Variants in CDH13 observed in about 807,000 individuals in gnomAD.
CDH13 encodes cadherin-13.
CDH13 carries 24 observed loss-of-function variants against 63.8 expected under a neutral mutation model. The observed-to-expected ratio is 0.38, with a 90% CI of 0.27 to 0.53. The LOEUF (loss-of-function observed/expected upper bound fraction) is 0.53, where lower values mean the gene tolerates loss of function less well. CDH13 is among the 20% of genes least tolerant of loss of function. The pLI, the probability that CDH13 is intolerant of heterozygous loss-of-function variation, is 0.85. For synonymous variants in CDH13, 503 were observed against 355.3 expected, an observed-to-expected ratio of 1.42 and a Z score of -4.67; for missense variants, 1,049 against 903.1, an observed-to-expected ratio of 1.16 and a Z score of -2.07.
At chr16:83,480,966 A>G (rs17685927) in intron 6 of CDH13, among the ~76,000 whole-genome samples, 15,921 of 152,278 alleles carry the variant, frequency 0.1, 914 homozygotes, top group Non-Finnish European at 0.13. Flanking sequence ...GTTGTGCACT[A>G]CAGGATCCAT....
At chr16:83,352,645 C>G (rs536476193) in intron 6 of CDH13, among the ~76,000 whole-genome samples, 2 of 152,184 alleles carry the variant, frequency 1.3e-5, no homozygotes, top group Admixed American at 6.5e-5. Context: ...AATCCCAGCA[C>G]TTAGGGAGGG....
chr16:83,716,301 G>T (rs1038878613), intron 10 of CDH13, among the ~76,000 whole-genome samples: 1 of 152,080 alleles, frequency 6.6e-6, no homozygotes, highest in African/African-American at 2.4e-5. Context: ...GTGCAAATTA[G>T]GGTTCCCTTT....
intron 3 of CDH13, among the ~76,000 whole-genome samples, chr16:83,085,277 A>G (rs748752505): frequency 1.6e-4 from 24 of 152,182 alleles, no homozygotes; most frequent in Non-Finnish European, 3.4e-4. Flanking sequence ...CTTGAGATTT[A>G]TTCACTATCA....
Position 83,344,976 on chromosome 16 carries a change from A to C in CDH13, c.751A>C (p.Ile251Leu), listed in dbSNP as rs371020017. The C allele has an allele frequency of 6.2e-7, 1 of 1,613,984 alleles. No individual in the cohort carries two copies. Among genetic ancestry groups the C allele is most frequent in the African/African-American group, 1.3e-5 (1 of 75,062 alleles). Residue 251 changes from isoleucine (I) to leucine (L), a missense_variant, in exon 6 of 14, where the codon ATC becomes CTC. Physicochemically the swap from Ile to Leu is conservative, Grantham distance 5. Transcript: ENST00000567109. ...ACCGATCTTTCGGGAAGGCCCCTAC[A>C]TCGGCCACGTCATGGAAGGGTCACC... ...NRPIFREGPY[I>L]GHVMEGSPTG...
intron 1 of CDH13, among the ~76,000 whole-genome samples, chr16:82,822,866 A>G (rs922742699): frequency 6.6e-6 from 1 of 152,168 alleles, no homozygotes; most frequent in Non-Finnish European, 1.5e-5. Context: ...CTCACAGTGT[A>G]GGGATTGTCT....
At chr16:82,905,861 C>T (rs2041628485) in intron 2 of CDH13, among the ~76,000 whole-genome samples, 1 of 152,194 alleles carries the variant, frequency 6.6e-6, no homozygotes, top group Admixed American at 6.5e-5. Context: ...AGTAACCACA[C>T]ATGGCTACTG....
chr16:83,792,244 A>C (rs1444581840), intron 13 of CDH13, among the ~76,000 whole-genome samples: 2 of 152,222 alleles, frequency 1.3e-5, no homozygotes, highest in African/African-American at 2.4e-5. Flanking sequence ...CATTATGGAC[A>C]ATGACAGTTG....
At chr16:83,720,131 G>T (rs1432108639) in intron 10 of CDH13, among the ~76,000 whole-genome samples, 2 of 152,112 alleles carry the variant, frequency 1.3e-5, no homozygotes, top group African/African-American at 4.8e-5. Context: ...CCGGGGTGCT[G>T]GTGGTCATCT....
At chr16:83,479,864 C>T (rs1024611953) in intron 6 of CDH13, among the ~76,000 whole-genome samples, 2 of 152,132 alleles carry the variant, frequency 1.3e-5, no homozygotes, top group Admixed American at 1.3e-4. Flanking sequence ...AATAGATACA[C>T]GGTATTCTAT....
In CDH13 at chr16:82,973,669, A is replaced by C. The variant is rs777898577; in HGVS notation, c.158-58341A>C. On this transcript the variant is annotated intron_variant, in intron 2 of 13. Coordinates refer to ENST00000567109, the MANE Select transcript of CDH13 (RefSeq NM_001257.5). ...TCCACCTGGAGGCTGCAGCGGGTCA[A>C]GGATGGCTTCACTGAAGGGATGATA... Among the ~76,000 whole-genome samples the C allele has an allele frequency of 7.9e-4, 120 of 152,318 alleles. 3 individuals carry two copies. Among genetic ancestry groups the C allele is most frequent in the Middle Eastern group, 6.8e-3 (2 of 294 alleles).
rs148010161 is a variant in CDH13, at chr16:83,185,903, C to T, written c.484-31442C>T. On this transcript the variant is annotated intron_variant, in intron 4 of 13. Coordinates refer to ENST00000567109, the MANE Select transcript of CDH13 (RefSeq NM_001257.5). Reference sequence around the variant, plus strand: ...CTGTTCACATACTCCCTGAGAACCTCTATGTCTTATCCATGGAGTATGTCC... The same window carrying T: ...CTGTTCACATACTCCCTGAGAACCTTTATGTCTTATCCATGGAGTATGTCC... Among the ~76,000 whole-genome samples the T allele has an allele frequency of 2.0e-5, 3 of 152,262 alleles. 1 individual carries two copies. Among genetic ancestry groups the T allele is most frequent in the South Asian group, 4.1e-4 (2 of 4,828 alleles).
At chr16:83,738,631 G>A (rs543221784) in intron 10 of CDH13, among the ~76,000 whole-genome samples, 85 of 152,312 alleles carry the variant, frequency 5.6e-4, no homozygotes, top group Non-Finnish European at 1.1e-3. Context: ...TTTTGGGCCA[G>A]GTGTGGTGGC....
chr16:83,241,230 A>G (rs1344985783), intron 5 of CDH13, among the ~76,000 whole-genome samples: 1 of 152,142 alleles, frequency 6.6e-6, no homozygotes, highest in Non-Finnish European at 1.5e-5. Flanking sequence ...TCCATTATCC[A>G]TTCATCTATC....
At chr16:83,432,559 A>T (rs978427748) in intron 6 of CDH13, among the ~76,000 whole-genome samples, 2 of 152,174 alleles carry the variant, frequency 1.3e-5, no homozygotes, top group Admixed American at 6.5e-5. Context: ...GAGTGGGTGA[A>T]ACGAGCTTCA....
chr16:83,509,204 C>T (rs1192297727), intron 7 of CDH13, among the ~76,000 whole-genome samples: 2 of 152,186 alleles, frequency 1.3e-5, no homozygotes, highest in Admixed American at 6.5e-5. Context: ...ATGGTATTCA[C>T]AAAGTATAGC....
intron 2 of CDH13, among the ~76,000 whole-genome samples, chr16:82,969,849 C>A (rs186072922): frequency 3.3e-5 from 5 of 152,260 alleles, no homozygotes; most frequent in Admixed American, 1.3e-4. Context: ...ACTCTTCTCT[C>A]CAGGAAACGT....
At chr16:82,664,832 T>C (rs1912397573) in intron 1 of CDH13, among the ~76,000 whole-genome samples, 2 of 152,234 alleles carry the variant, frequency 1.3e-5, no homozygotes, top group African/African-American at 2.4e-5. Context: ...ATATATTTGA[T>C]ACAGATATTG....
intron 2 of CDH13, among the ~76,000 whole-genome samples, chr16:82,888,236 C>T (rs2040959383): frequency 6.6e-6 from 1 of 152,168 alleles, no homozygotes; most frequent in Admixed American, 6.5e-5. Flanking sequence ...CGGGCGCTCC[C>T]ATTGCCTCAT....
Position 83,265,727 on chromosome 16 carries a change from C to CTTTTTTTTTTTTTTTTTTTTTTTTTTTTT in CDH13, c.636+48256_636+48257insTTTTTTTTTTTTTTTTTTTTTTTTTTTTT, listed in dbSNP as rs71272416. ...GTTTTCTGTTGCTTCTAAATTTCTGCTTTTTTTTTTTTTTTTTTTTTTTTT... is the reference window on the plus strand; with the variant it reads ...GTTTTCTGTTGCTTCTAAATTTCTGCTTTTTTTTTTTTTTTTTTTTTTTTTTTTTTTTTTTTTTTTTTTTTTTTTTTTTT... On this transcript the variant is annotated intron_variant, in intron 5 of 13. Transcript: ENST00000567109. Among the ~76,000 whole-genome samples the CTTTTTTTTTTTTTTTTTTTTTTTTTTTTT allele has an allele frequency of 1.4e-4, 6 of 42,570 alleles. 2 individuals are homozygous for CTTTTTTTTTTTTTTTTTTTTTTTTTTTTT. Among genetic ancestry groups the CTTTTTTTTTTTTTTTTTTTTTTTTTTTTT allele is most frequent in the African/African-American group, 4.6e-4 (4 of 8,604 alleles). The allele number at this position is 42,570 out of a possible 152,430, so 27.9% of individuals were successfully genotyped here.
Sources: gnomAD v4.1 joint callset for allele counts (sites outside exome capture counted in the v4.1 genomes callset) on GRCh38, gnomAD v4.1.1 for gene constraint, MANE v1.5 for transcripts, NCBI Gene and HGNC (gene_info 2026-07-23, HGNC 2026-07-21) for gene names.